The following TNPO1 variants were observed in gnomAD, a reference collection of about 807,000 sequenced individuals.
The protein encoded by TNPO1 is transportin-1.
TNPO1 carries 8 observed loss-of-function variants against 119.5 expected under a neutral mutation model. The ratio of observed to expected loss-of-function variants is 0.07; its 90% confidence interval spans 0.04 to 0.12. The LOEUF is 0.12. TNPO1 is among the 10% of genes least tolerant of loss of function. The pLI is 1.00. For synonymous variants in TNPO1, 362 were observed against 363.0 expected, an observed-to-expected ratio of 1.00 and a Z score of 0.03; for missense variants, 576 against 1,089.8, an observed-to-expected ratio of 0.53 and a Z score of 6.64.
chr5:72,824,675 AG>A (rs1267525330), intron 1 of TNPO1, among the ~76,000 whole-genome samples: 1 of 152,080 alleles, frequency 6.6e-6, no homozygotes, highest in Non-Finnish European at 1.5e-5. Flanking sequence ...AATGTTGGAG[AG>A]CCCCAAGTCT....
At chr5:72,828,817 C>T (rs1036052912) in intron 1 of TNPO1, among the ~76,000 whole-genome samples, 3 of 151,736 alleles carry the variant, frequency 2.0e-5, no homozygotes, top group Non-Finnish European at 2.9e-5. Flanking sequence ...TTGCAATGAT[C>T]GTTATATCAG....
intron 11 of TNPO1, among the ~76,000 whole-genome samples, chr5:72,886,287 C>T (rs774244600): frequency 6.6e-6 from 1 of 152,100 alleles, no homozygotes. Flanking sequence ...TTTCATGTGC[C>T]AGTGACTTTT....
At chr5:72,868,668 T>A (rs1219051438) in intron 6 of TNPO1, among the ~76,000 whole-genome samples, 1 of 152,146 alleles carries the variant, frequency 6.6e-6, no homozygotes, top group Non-Finnish European at 1.5e-5. Context: ...TGCTGTTTCA[T>A]GACTAAAGCT....
rs1268704293 is a variant in TNPO1 at position 72,891,397 on chromosome 5, G to A, written c.1702-413G>A. Among the ~76,000 whole-genome samples the A allele has an allele frequency of 3.3e-5, 5 of 152,028 alleles. No homozygotes were observed. The East Asian group carries it at 7.8e-4, about 24-fold the overall frequency. ...GGAGAATGGCGTGGACCTGGGAGGCGGAGCTTGCAGTGAGCTGAGATCACG... is the reference window on the plus strand; with the variant it reads ...GGAGAATGGCGTGGACCTGGGAGGCAGAGCTTGCAGTGAGCTGAGATCACG... On this transcript the variant is annotated intron_variant, in intron 14 of 24. Coordinates refer to ENST00000337273, the MANE Select transcript of TNPO1 (RefSeq NM_002270.4).
intron 13 of TNPO1, among the ~76,000 whole-genome samples, chr5:72,889,158 A>G (rs1027599297): frequency 1.3e-5 from 2 of 152,144 alleles, no homozygotes; most frequent in Admixed American, 6.6e-5. Context: ...CTCGGGTTCA[A>G]GCAATTCTCC....
intron 23 of TNPO1, among the ~76,000 whole-genome samples, chr5:72,904,446 A>G (rs2080653150): frequency 6.6e-6 from 1 of 152,168 alleles, no homozygotes; most frequent in Admixed American, 6.5e-5. Flanking sequence ...AGCATATGCT[A>G]TGAGGTACTT....
intron 6 of TNPO1, among the ~76,000 whole-genome samples, chr5:72,870,680 T>C (rs1747323751): frequency 6.6e-6 from 1 of 152,204 alleles, no homozygotes; most frequent in Non-Finnish European, 1.5e-5. Flanking sequence ...TAATTTAAAA[T>C]GTAAGTCCTA....
chr5:72,891,136 C>G (rs1433856373), intron 14 of TNPO1, among the ~76,000 whole-genome samples: 1 of 151,872 alleles, frequency 6.6e-6, no homozygotes, highest in Non-Finnish European at 1.5e-5. Flanking sequence ...AGCCACCATG[C>G]CCAGCCCCAG....
intron 2 of TNPO1, among the ~76,000 whole-genome samples, chr5:72,849,525 A>C (rs1027057750): frequency 3.3e-5 from 5 of 152,202 alleles, no homozygotes; most frequent in African/African-American, 1.2e-4. Flanking sequence ...TTTACATTTA[A>C]AACATCTGTA....
rs201989700 is a variant in TNPO1 at position 72,848,529 on chromosome 5, C to T, written c.129+31C>T. 3.6e-5 allele frequency: 52 copies of T among 1,447,286 alleles called. No homozygotes were observed. The East Asian group carries it at 1.4e-3, about 38-fold the overall frequency. The allele number at this position is 1,447,286 out of a possible 1,614,324, so 89.7% of individuals were successfully genotyped here. On this transcript the variant is annotated intron_variant, in intron 2 of 24. Transcript: ENST00000337273. ...CTTTCCGAGGCCTGGCCGCCACCCG[C>T]GCAGCTCGCCCCGCGCTGCGGCCCA... is the stretch of plus-strand genomic sequence containing the variant.
At chr5:72,842,242 A>G (rs934229226) in intron 1 of TNPO1, among the ~76,000 whole-genome samples, 2 of 152,134 alleles carry the variant, frequency 1.3e-5, no homozygotes, top group African/African-American at 2.4e-5. Context: ...ACATGGTTGT[A>G]TTTATGAGTA....
At chr5:72,825,373 T>G (rs1744157218) in intron 1 of TNPO1, among the ~76,000 whole-genome samples, 1 of 152,112 alleles carries the variant, frequency 6.6e-6, no homozygotes, top group Non-Finnish European at 1.5e-5. Context: ...GGAGTCCTCA[T>G]GAATAGGATT....
intron 1 of TNPO1, among the ~76,000 whole-genome samples, chr5:72,839,927 G>A (rs1744837126): frequency 6.6e-6 from 1 of 152,140 alleles, no homozygotes; most frequent in African/African-American, 2.4e-5. Context: ...GTGACAATGA[G>A]ATAACTAAAA....
At position 72,875,617 on chromosome 5, in the gene TNPO1, T is replaced by C. The variant is rs1439303079; in HGVS notation, c.681T>C (p.Asn227=). The stretch of plus-strand genomic sequence containing the variant: ...AAAAATTATTTCTTGTGCAACAGAA[T>C]CTCTTTGCATTAGCTGGTGATGAAG... ...LMLHIDSFIE[N]LFALAGDEEP... The change falls in exon 8 of 25, where the codon AAT becomes AAC. Residue 227 remains asparagine (N), a splice_region_variant and synonymous_variant. Coordinates refer to ENST00000337273, the MANE Select transcript of TNPO1 (RefSeq NM_002270.4). The C allele has an allele frequency of 6.2e-7, 1 of 1,611,240 alleles. No homozygotes were observed. Among genetic ancestry groups the C allele is most frequent in the Admixed American group, 1.7e-5 (1 of 59,942 alleles).
At chr5:72,852,483 G>T (rs983607160) in intron 3 of TNPO1, among the ~76,000 whole-genome samples, 3 of 152,160 alleles carry the variant, frequency 2.0e-5, no homozygotes, top group Non-Finnish European at 1.5e-5. Context: ...ACACATAGAA[G>T]TCAATTAAAT....
intron 6 of TNPO1, among the ~76,000 whole-genome samples, chr5:72,872,268 G>A (rs936395015): frequency 1.3e-5 from 2 of 152,022 alleles, no homozygotes; most frequent in Non-Finnish European, 2.9e-5. Flanking sequence ...AGAACACATG[G>A]ACTATTCTCC....
intron 4 of TNPO1, among the ~76,000 whole-genome samples, chr5:72,856,509 A>G (rs1419491788): frequency 6.6e-6 from 1 of 151,020 alleles, no homozygotes; most frequent in Non-Finnish European, 1.5e-5. Context: ...CTGAGATTAC[A>G]GGCCTGAGCC....
Position 72,883,044 on chromosome 5 carries a change from T to A in TNPO1, c.982-20T>A. 6.3e-7 allele frequency: 1 copy of A among 1,599,406 alleles called. No individual in the cohort carries two copies. The highest frequency in any genetic ancestry group is 1.7e-5 in the Admixed American group (1 of 59,712). ...GCCTATAATGAATGCCACCAAAAAT[T>A]TCTCTTAAAAAAACAACAGGGTGAT... On this transcript the variant is annotated intron_variant, in intron 10 of 24. Transcript: ENST00000337273.
chr5:72,861,710 A>G lies in TNPO1; in HGVS notation c.356-98A>G, dbSNP rs1201270305. ...GAGCCACCATGCCTGGCCAAATGTT[A>G]TTATTTACATAAAATGTGTTTGTGC... On this transcript the variant is annotated intron_variant, in intron 4 of 24. Transcript: ENST00000337273. 4.7e-6 allele frequency: 4 copies of G among 858,796 alleles called. No individual in the cohort carries two copies. The African/African-American group carries it at 5.1e-5, about 11-fold the overall frequency. The allele number at this position is 858,796 out of a possible 1,614,324, so 53.2% of individuals were successfully genotyped here. A position where few individuals can be genotyped will look rare whatever the true frequency, so the allele number is the denominator to read the frequency against.
Sources: allele counts gnomAD v4.1 joint callset (sites outside exome capture counted in the v4.1 genomes callset), GRCh38; gene constraint gnomAD v4.1.1; transcripts MANE v1.5; gene names NCBI Gene and HGNC (gene_info 2026-07-23, HGNC 2026-07-21).